Variants in PKNOX2 observed in about 807,000 individuals in gnomAD.
PKNOX2 encodes PBX/knotted 1 homeobox 2.
Under a neutral mutation model 53.1 loss-of-function variants are expected in PKNOX2, and 14 were observed. The observed-to-expected ratio is 0.26, with a 90% CI of 0.17 to 0.41. The LOEUF (loss-of-function observed/expected upper bound fraction) is 0.41. Ranked by LOEUF, PKNOX2 falls within the 10% of genes least tolerant of loss-of-function variation. The pLI is 1.00. For missense variants in PKNOX2, 496 were observed against 602.8 expected (o/e 0.82, Z 1.85); for synonymous variants, 257 against 242.8 (o/e 1.06, Z -0.54).
intron 1 of PKNOX2, among the ~76,000 whole-genome samples, chr11:125,230,988 T>A (rs891931757): frequency 2.0e-5 from 3 of 152,194 alleles, no homozygotes; most frequent in African/African-American, 7.2e-5. Flanking sequence ...GTGCCCTCTC[T>A]GGAGGATTGG....
At chr11:125,314,173 C>T (rs1432980430) in intron 2 of PKNOX2, among the ~76,000 whole-genome samples, 1 of 152,130 alleles carries the variant, frequency 6.6e-6, no homozygotes, top group Non-Finnish European at 1.5e-5. Context: ...AGGGGCTTCA[C>T]CTTCCAGTTG....
At chr11:125,346,593 A>T (rs996279066) in intron 3 of PKNOX2, among the ~76,000 whole-genome samples, 3 of 152,178 alleles carry the variant, frequency 2.0e-5, no homozygotes, top group Non-Finnish European at 2.9e-5. Context: ...AAGTTTACAG[A>T]TGGGGAAATT....
intron 2 of PKNOX2, among the ~76,000 whole-genome samples, chr11:125,321,502 A>G (rs1178839339): frequency 6.6e-6 from 1 of 152,242 alleles, no homozygotes; most frequent in African/African-American, 2.4e-5. Flanking sequence ...GGGAATAATG[A>G]CAAGAAAAAT....
intron 2 of PKNOX2, among the ~76,000 whole-genome samples, chr11:125,311,031 G>C (rs978889364): frequency 7.2e-5 from 11 of 152,076 alleles, no homozygotes; most frequent in Non-Finnish European, 1.5e-4. Flanking sequence ...GTATGGGGGA[G>C]TCTGGTGGGG....
intron 1 of PKNOX2, among the ~76,000 whole-genome samples, chr11:125,227,390 C>A (rs1941793230): frequency 6.6e-6 from 1 of 152,222 alleles, no homozygotes; most frequent in Admixed American, 6.5e-5. Context: ...TCATCCTCCA[C>A]CTCAGCCTCT....
intron 12 of PKNOX2, among the ~76,000 whole-genome samples, chr11:125,430,396 C>T (rs1015781531): frequency 3.3e-5 from 5 of 152,148 alleles, no homozygotes; most frequent in African/African-American, 1.2e-4. Flanking sequence ...CAGCAGAGCC[C>T]CCCATGTCCG....
intron 4 of PKNOX2, among the ~76,000 whole-genome samples, chr11:125,366,819 A>T (rs184742682): frequency 2.3e-4 from 35 of 152,368 alleles, no homozygotes; most frequent in African/African-American, 7.2e-4. Context: ...TTCAAGGCAT[A>T]TTAATTCATT....
At chr11:125,416,428 A>G (rs1306349789) in intron 10 of PKNOX2, among the ~76,000 whole-genome samples, 2 of 150,958 alleles carry the variant, frequency 1.3e-5, no homozygotes, top group Non-Finnish European at 2.9e-5. Context: ...GTCTCATCTG[A>G]TCCTAACTAT....
chr11:125,379,121 C>A (rs905677470), intron 5 of PKNOX2, among the ~76,000 whole-genome samples: 1 of 148,802 alleles, frequency 6.7e-6, no homozygotes, highest in Non-Finnish European at 1.5e-5. Context: ...AGTTCAGTGG[C>A]GAGATGTCGG....
At chr11:125,198,385 C>G (rs990411519) in intron 1 of PKNOX2, among the ~76,000 whole-genome samples, 1 of 152,214 alleles carries the variant, frequency 6.6e-6, no homozygotes, top group Non-Finnish European at 1.5e-5. Flanking sequence ...CCCCATCAAT[C>G]AGTTTCAGCC....
intron 6 of PKNOX2, among the ~76,000 whole-genome samples, chr11:125,397,130 G>A (rs2135452686): frequency 6.6e-6 from 1 of 152,318 alleles, no homozygotes; most frequent in East Asian, 1.9e-4. Context: ...GAAAAGGTTA[G>A]GAATGTCCAT....
intron 5 of PKNOX2, among the ~76,000 whole-genome samples, chr11:125,384,335 G>A (rs1953467782): frequency 6.6e-6 from 1 of 152,036 alleles, no homozygotes; most frequent in African/African-American, 2.4e-5. Context: ...TTTGGCGGTG[G>A]GGGAATGGGG....
chr11:125,178,657 G>GAGAGAGA (rs1955925362), intron 1 of PKNOX2, among the ~76,000 whole-genome samples: 2 of 77,756 alleles, frequency 2.6e-5, no homozygotes, highest in African/African-American at 1.6e-4. Context: ...AAGGAAGGAA[G>GAGAGAGA]GAAGGAAGGA....
chr11:125,335,496 C>G (rs1160352980), intron 3 of PKNOX2, among the ~76,000 whole-genome samples: 1 of 152,074 alleles, frequency 6.6e-6, no homozygotes, highest in Non-Finnish European at 1.5e-5. Context: ...TCTCACTCCC[C>G]TCTCTGCTTC....
rs747761478 is a variant in PKNOX2 at position 125,351,411 on chromosome 11, C to G, written c.87+19C>G. 3.2e-5 allele frequency: 49 copies of G among 1,520,018 alleles called. 1 individual carries two copies. The highest frequency in any genetic ancestry group is 9.1e-5 in the South Asian group (8 of 87,432). 94.2% of individuals were successfully genotyped at this position (1,520,018 alleles called of 1,614,324 possible). A position where few individuals can be genotyped will look rare whatever the true frequency, so the allele number is the denominator to read the frequency against. On this transcript the variant is annotated intron_variant, in intron 4 of 12. Coordinates refer to ENST00000298282, the MANE Select transcript of PKNOX2 (RefSeq NM_001382323.2). The stretch of plus-strand genomic sequence containing the variant: ...CCCACAGGTGAGTGCGCAGGGGCCG[C>G]TGCCTCCCACCACGGGGGAGGGAGT...
intron 10 of PKNOX2, among the ~76,000 whole-genome samples, chr11:125,418,092 C>A (rs543001023): frequency 4.0e-4 from 61 of 152,142 alleles, no homozygotes; most frequent in African/African-American, 1.4e-3. Flanking sequence ...TCACCACCAT[C>A]TAATTCCAGA....
chr11:125,223,302 C>T (rs113941650), intron 1 of PKNOX2, among the ~76,000 whole-genome samples: 4,041 of 152,012 alleles, frequency 0.027, 168 homozygotes, highest in African/African-American at 0.091. Context: ...CAATCTTGGC[C>T]CACTGCAACC....
intron 2 of PKNOX2, among the ~76,000 whole-genome samples, chr11:125,289,171 G>T (rs1406151987): frequency 6.6e-6 from 1 of 152,174 alleles, no homozygotes; most frequent in East Asian, 1.9e-4. Flanking sequence ...AGCAGACCGG[G>T]GCCCTGCTGA....
At chr11:125,311,705 AGAACGTAGCCTC>A (rs1381320988) in intron 2 of PKNOX2, among the ~76,000 whole-genome samples, 2 of 152,248 alleles carry the variant, frequency 1.3e-5, no homozygotes, top group Non-Finnish European at 2.9e-5. Flanking sequence ...GACTAGGGGT[AGAACGTAGCCTC>A]GAACACTCAT....
Sources: allele counts gnomAD v4.1 joint callset (sites outside exome capture counted in the v4.1 genomes callset), GRCh38; gene constraint gnomAD v4.1.1; transcripts MANE v1.5; gene names NCBI Gene and HGNC (gene_info 2026-07-23, HGNC 2026-07-21).